ULK2: variants seen among roughly 807,000 people sequenced by gnomAD.
The protein encoded by ULK2 is unc-51 like autophagy activating kinase 2.
A neutral mutation model predicts 127.5 loss-of-function variants in ULK2; 76 were observed. The observed-to-expected ratio is 0.60, with a 90% CI of 0.50 to 0.72. The LOEUF (loss-of-function observed/expected upper bound fraction) is 0.72, where lower values mean the gene tolerates loss of function less well. Ranked by LOEUF, ULK2 falls within the 30% of genes least tolerant of loss-of-function variation. The pLI is 0.00. For synonymous variants in ULK2, 452 were observed against 461.9 expected, an observed-to-expected ratio of 0.98 and a Z score of 0.28; for missense variants, 1,144 against 1,295.9, an observed-to-expected ratio of 0.88 and a Z score of 1.80.
intron 15 of ULK2, among the ~76,000 whole-genome samples, chr17:19,802,627 C>A (rs2152386743): frequency 6.6e-6 from 1 of 152,292 alleles, no homozygotes; most frequent in East Asian, 1.9e-4. Context: ...CAGCCTTCCA[C>A]AGATGTGTAA....
At chr17:19,817,480 C>T (rs1310291716) in intron 12 of ULK2, among the ~76,000 whole-genome samples, 1 of 152,110 alleles carries the variant, frequency 6.6e-6, no homozygotes, top group African/African-American at 2.4e-5. Context: ...TACAGGTATC[C>T]TTGTGTTCCT....
At chr17:19,815,049 T>A (rs2040951285) in intron 13 of ULK2, among the ~76,000 whole-genome samples, 1 of 152,196 alleles carries the variant, frequency 6.6e-6, no homozygotes, top group African/African-American at 2.4e-5. Context: ...TTGGGCATCA[T>A]GCTGGCACTC....
chr17:19,780,963 T>G lies in ULK2; in HGVS notation c.2758+23A>C. 3 of 1,608,232 alleles carry G rather than the reference T, an allele frequency of 1.9e-6. No homozygotes were observed. In the African/African-American group the frequency reaches 4.0e-5, roughly 21 times the overall value. On this transcript the variant is annotated intron_variant, in intron 24 of 26. Coordinates refer to ENST00000395544, the MANE Select transcript of ULK2 (RefSeq NM_014683.4). ...GCAACTTAAGGACTGACCCCTGGAGTTACACGCTGCCTTCTCCCATACCTT... is the reference window on the plus strand; with the variant it reads ...GCAACTTAAGGACTGACCCCTGGAGGTACACGCTGCCTTCTCCCATACCTT...
intron 9 of ULK2, chr17:19,840,068 T>C (rs913682138): frequency 2.4e-5 from 8 of 332,142 alleles, no homozygotes; most frequent in African/African-American, 1.3e-4. Flanking sequence ...TCTATGGGAC[T>C]CTCTGTGGCA....
chr17:19,846,940 A>T, intron 5 of ULK2, 30 bp from the exon 6 acceptor site: 1 of 1,573,022 alleles, frequency 6.4e-7, no homozygotes, highest in Non-Finnish European at 8.6e-7. Context: ...GTAAATATTT[A>T]AGCACACAAA....
Position 19,830,845 on chromosome 17 carries a change from G to A in ULK2, c.788-4659C>T, listed in dbSNP as rs934923125. Among the ~76,000 whole-genome samples, 53 of 151,980 alleles carry A rather than the reference G, an allele frequency of 3.5e-4. 1 individual carries two copies. The highest frequency in any genetic ancestry group is 1.3e-4 in the Non-Finnish European group (9 of 67,998). On this transcript the variant is annotated intron_variant, in intron 10 of 26. Coordinates refer to ENST00000395544, the MANE Select transcript of ULK2 (RefSeq NM_014683.4). ...AAGTTCAAGACCAGCTGGCCAACAT[G>A]GTGAAACCCCATCTCTACTAAAAAT...
rs138271759 is a variant in ULK2 at position 19,830,202 on chromosome 17, AT to A, written c.788-4017del. 7.3e-3 allele frequency among the ~76,000 whole-genome samples: 1,086 copies of A among 149,238 alleles called. 7 individuals are homozygous for A. The highest frequency in any genetic ancestry group is 0.011 in the Non-Finnish European group (747 of 66,968). ...TTAGGCCACAAAACAAGTCTTAATA[AT>A]TTTTTTTTTTAATCAGAGACAATGT... On this transcript the variant is annotated intron_variant, in intron 10 of 26. Transcript: ENST00000395544.
intron 15 of ULK2, among the ~76,000 whole-genome samples, chr17:19,804,036 T>C (rs551756147): frequency 7.9e-5 from 12 of 152,268 alleles, no homozygotes; most frequent in Admixed American, 4.6e-4. Context: ...TTCTATCCCC[T>C]TCTGTTTTCC....
intron 3 of ULK2, among the ~76,000 whole-genome samples, chr17:19,863,918 G>GAT (rs780003776): frequency 1.3e-5 from 2 of 152,082 alleles, no homozygotes; most frequent in Admixed American, 6.6e-5. Context: ...TATAATCATA[G>GAT]ATATAACTGG....
chr17:19,850,844 T>G (rs1455087507), intron 3 of ULK2, among the ~76,000 whole-genome samples: 2 of 151,536 alleles, frequency 1.3e-5, no homozygotes, highest in East Asian at 3.9e-4. Context: ...AAAATATATA[T>G]AGATAGGTCT....
At chr17:19,794,719 TAG>T (rs2087227575) in intron 20 of ULK2, among the ~76,000 whole-genome samples, 1 of 31,098 alleles carries the variant, frequency 3.2e-5, no homozygotes, top group African/African-American at 1.8e-4. Flanking sequence ...TAAAAAGTCA[TAG>T]AGAAAAAAAA....
intron 20 of ULK2, among the ~76,000 whole-genome samples, chr17:19,795,146 A>AT (rs1310654329): frequency 6.6e-6 from 1 of 151,916 alleles, no homozygotes; most frequent in African/African-American, 2.4e-5. Context: ...TAGAATCTCC[A>AT]TTTTGTTTTT....
At chr17:19,862,523 T>C (rs2042265050) in intron 3 of ULK2, among the ~76,000 whole-genome samples, 1 of 152,046 alleles carries the variant, frequency 6.6e-6, no homozygotes, top group East Asian at 1.9e-4. Context: ...TGGAGTGCAA[T>C]GGCACAATCT....
chr17:19,852,412 T>C (rs1181380476), intron 3 of ULK2, among the ~76,000 whole-genome samples: 1 of 149,898 alleles, frequency 6.7e-6, no homozygotes, highest in Non-Finnish European at 1.5e-5. Flanking sequence ...CCCCAGCTAC[T>C]TGGGAGGCTG....
At chr17:19,803,412 G>C (rs1268547286) in intron 15 of ULK2, among the ~76,000 whole-genome samples, 4 of 152,146 alleles carry the variant, frequency 2.6e-5, no homozygotes, top group African/African-American at 9.7e-5. Flanking sequence ...CCACCACCCT[G>C]ATTCAGGCAA....
chr17:19,797,736 A>G, intron 17 of ULK2, 54 bp from the exon 18 acceptor site: 1 of 1,373,034 alleles, frequency 7.3e-7, no homozygotes, highest in Non-Finnish European at 9.5e-7. Context: ...GCAGTGCAAA[A>G]ATGTAAAAAT....
chr17:19,824,215 C>T (rs900057548), intron 12 of ULK2, among the ~76,000 whole-genome samples: 4 of 151,976 alleles, frequency 2.6e-5, no homozygotes, highest in Admixed American at 6.6e-5. Context: ...GAGGCCAAGG[C>T]GGGCAGATCA....
chr17:19,865,323 T>C (rs1454475458), intron 2 of ULK2, among the ~76,000 whole-genome samples: 1 of 152,168 alleles, frequency 6.6e-6, no homozygotes, highest in Admixed American at 6.6e-5. Context: ...GTGAGTGATC[T>C]AAAAAGGCCA....
intron 12 of ULK2, among the ~76,000 whole-genome samples, chr17:19,820,053 A>ATT (rs370116805): frequency 0.015 from 295 of 19,288 alleles, 1 homozygote; most frequent in African/African-American, 0.022. Flanking sequence ...AACTTTATTT[A>ATT]TTTTTTTTTT....
Sources: allele counts gnomAD v4.1 joint callset (sites outside exome capture counted in the v4.1 genomes callset), GRCh38; gene constraint gnomAD v4.1.1; transcripts MANE v1.5; gene names NCBI Gene and HGNC (gene_info 2026-07-23, HGNC 2026-07-21).